The following INPP5F variants were observed in gnomAD, a reference collection of about 807,000 sequenced individuals.
The protein encoded by INPP5F is phosphatidylinositide 4-phosphatase SAC2.
INPP5F carries 97 observed loss-of-function variants against 137.2 expected under a neutral mutation model. The observed-to-expected ratio is 0.71, with a 90% CI of 0.60 to 0.84. The LOEUF (loss-of-function observed/expected upper bound fraction) is 0.84, where lower values mean the gene tolerates loss of function less well. Among genes scored for constraint, INPP5F ranks in the 40% least tolerant of loss-of-function variants. The pLI, the probability that INPP5F is intolerant of heterozygous loss-of-function variation, is 0.00. For missense variants in INPP5F, 1,271 were observed against 1,371.9 expected (o/e 0.93, Z 1.16); for synonymous variants, 504 against 476.9 (o/e 1.06, Z -0.74).
rs373076188 is a variant in INPP5F, at chr10:119,765,616, G to A, written c.178+14460G>A. On this transcript the variant is annotated intron_variant, in intron 2 of 19. Transcript: ENST00000650623. ...AGTCTGGTTTCTAACTCCTGAGCTC[G>A]GGTCATCCAACTATCTCGGCCTCCC... Among the ~76,000 whole-genome samples the A allele has an allele frequency of 1.9e-4, 28 of 145,536 alleles. No homozygotes were observed. In the East Asian group the frequency reaches 3.3e-3, roughly 17 times the overall value.
At position 119,767,956 on chromosome 10, in the gene INPP5F, C is replaced by T. The variant is rs1055976939; in HGVS notation, c.179-13679C>T. ...AGTTTAGACTGTCAATTTGAAATGACAGAGGAACGTGAGTATTCCTGTTGG... is the reference window on the plus strand; with the variant it reads ...AGTTTAGACTGTCAATTTGAAATGATAGAGGAACGTGAGTATTCCTGTTGG... On this transcript the variant is annotated intron_variant, in intron 2 of 19. Coordinates refer to ENST00000650623, the MANE Select transcript of INPP5F (RefSeq NM_014937.4). 3.3e-5 allele frequency among the ~76,000 whole-genome samples: 5 copies of T among 152,220 alleles called. No homozygotes were observed. The East Asian group carries it at 9.6e-4, about 29-fold the overall frequency.
intron 2 of INPP5F, among the ~76,000 whole-genome samples, chr10:119,755,763 A>G (rs191439192): frequency 8.1e-4 from 124 of 152,356 alleles, no homozygotes; most frequent in Non-Finnish European, 1.4e-3. Context: ...AGGTGACCTC[A>G]TTTAAGCCTC....
intron 1 of INPP5F, among the ~76,000 whole-genome samples, chr10:119,732,682 G>C (rs1848116305): frequency 6.6e-6 from 1 of 151,632 alleles, no homozygotes. Context: ...TCTATTTTTA[G>C]TAGAGACGGG....
At chr10:119,814,466 T>C (rs11199096) in intron 15 of INPP5F, 1 of 152,216 alleles carries the variant, frequency 6.6e-6, no homozygotes, top group Non-Finnish European at 1.5e-5. Flanking sequence ...ACGTAACTTA[T>C]CATCAGTCAC....
intron 15 of INPP5F, chr10:119,818,970 G>C (rs1851420127): frequency 6.6e-6 from 1 of 152,276 alleles, no homozygotes; most frequent in South Asian, 2.1e-4. Context: ...TATTTTTCCT[G>C]CAAATTACTT....
At position 119,791,374 on chromosome 10, in the gene INPP5F, C is replaced by T. The variant is rs1280767249; in HGVS notation, c.316-143C>T. The T allele has an allele frequency of 7.4e-6, 5 of 676,850 alleles. No homozygotes were observed. The African/African-American group carries it at 8.9e-5, about 12-fold the overall frequency. 41.9% of individuals were successfully genotyped at this position (676,850 alleles called of 1,614,324 possible). A position where few individuals can be genotyped will look rare whatever the true frequency, so the allele number is the denominator to read the frequency against. ...TCATGGGACTCATAGTTGTGCTTGCCATCAATTGTCTACTTGATAATTTTT... is the reference window on the plus strand; with the variant it reads ...TCATGGGACTCATAGTTGTGCTTGCTATCAATTGTCTACTTGATAATTTTT... On this transcript the variant is annotated intron_variant, in intron 3 of 19. Transcript: ENST00000650623.
intron 12 of INPP5F, among the ~76,000 whole-genome samples, chr10:119,807,567 A>G (rs547995725): frequency 6.6e-6 from 1 of 152,248 alleles, no homozygotes; most frequent in Non-Finnish European, 1.5e-5. Context: ...GCCTTGGCAC[A>G]GAGTTAACAT....
chr10:119,727,838 T>A (rs1312831846), intron 1 of INPP5F, among the ~76,000 whole-genome samples: 1 of 152,198 alleles, frequency 6.6e-6, no homozygotes, highest in Non-Finnish European at 1.5e-5. Flanking sequence ...TCCCCTTCCC[T>A]CCTTTCACTC....
At chr10:119,782,373 G>A (rs1589708571) in intron 3 of INPP5F, among the ~76,000 whole-genome samples, 1 of 152,300 alleles carries the variant, frequency 6.6e-6, no homozygotes, top group South Asian at 2.1e-4. Context: ...AGTAACCCAT[G>A]AAAGCATTTA....
intron 19 of INPP5F, among the ~76,000 whole-genome samples, chr10:119,824,867 C>T (rs913318802): frequency 6.6e-6 from 1 of 152,176 alleles, no homozygotes; most frequent in African/African-American, 2.4e-5. Context: ...AGATTAATAA[C>T]CTTTTATTGC....
At chr10:119,773,720 TG>T (rs1323468317) in intron 2 of INPP5F, among the ~76,000 whole-genome samples, 1 of 152,140 alleles carries the variant, frequency 6.6e-6, no homozygotes, top group Non-Finnish European at 1.5e-5. Context: ...CTGTCTCCAA[TG>T]TTGGGTTTCA....
rs542136467 is a variant in INPP5F, at chr10:119,751,245, T to C, written c.178+89T>C. ...TTTGAGGATACATGAGATTCTCTTA[T>C]AGCTTTGATTCCTTTGTTTTAATTT... On this transcript the variant is annotated intron_variant, in intron 2 of 19. Transcript: ENST00000650623. 6 of 819,804 alleles carry C rather than the reference T, an allele frequency of 7.3e-6. No individual in the cohort carries two copies. The Admixed American group carries it at 7.6e-5, about 10-fold the overall frequency. 50.8% of individuals were successfully genotyped at this position (819,804 alleles called of 1,614,324 possible). A position where few individuals can be genotyped will look rare whatever the true frequency, so the allele number is the denominator to read the frequency against.
intron 9 of INPP5F, among the ~76,000 whole-genome samples, chr10:119,802,915 ATTTTCTGTTTTAAATTGCAT>A (rs1359292780): frequency 2.0e-5 from 3 of 152,108 alleles, no homozygotes; most frequent in African/African-American, 7.2e-5. Flanking sequence ...GTGAAAACTC[ATTTTCTGTTTTAAATTGCAT>A]TTCTTTGAGT....
At chr10:119,800,266 A>G (rs1850534555) in intron 9 of INPP5F, among the ~76,000 whole-genome samples, 1 of 152,032 alleles carries the variant, frequency 6.6e-6, no homozygotes, top group Non-Finnish European at 1.5e-5. Context: ...AGTATATTTA[A>G]AAATGCCTGC....
At chr10:119,803,963 C>G (rs1850679090) in intron 9 of INPP5F, among the ~76,000 whole-genome samples, 1 of 152,090 alleles carries the variant, frequency 6.6e-6, no homozygotes. Flanking sequence ...TCAATTCTCA[C>G]AAACTTAAAT....
chr10:119,799,762 A>G (rs933336751), intron 9 of INPP5F, among the ~76,000 whole-genome samples: 1 of 152,170 alleles, frequency 6.6e-6, no homozygotes, highest in Non-Finnish European at 1.5e-5. Flanking sequence ...ATCAGTTGAG[A>G]TGGATTATGA....
chr10:119,823,531 G>A (rs1851643750), intron 18 of INPP5F, among the ~76,000 whole-genome samples: 1 of 152,180 alleles, frequency 6.6e-6, no homozygotes, highest in Admixed American at 6.5e-5. Flanking sequence ...CTCATTCATG[G>A]CTGTTGCCTT....
At chr10:119,822,037 C>A (rs1274792277) in intron 16 of INPP5F, among the ~76,000 whole-genome samples, 5 of 151,738 alleles carry the variant, frequency 3.3e-5, no homozygotes, top group Non-Finnish European at 7.4e-5. Context: ...ATTACAGGCG[C>A]CTGCCACGAC....
chr10:119,820,978 TTTTAGAATTCGTAAC>T, intron 16 of INPP5F, 61 bp downstream of exon 16: 1 of 1,090,816 alleles, frequency 9.2e-7, no homozygotes, highest in Non-Finnish European at 1.4e-6. Flanking sequence ...TAAATTTTCT[TTTTAGAATTCGTAAC>T]AAAAAAATGT....
Sources: allele counts gnomAD v4.1 joint callset (sites outside exome capture counted in the v4.1 genomes callset), GRCh38; gene constraint gnomAD v4.1.1; transcripts MANE v1.5; gene names NCBI Gene and HGNC (gene_info 2026-07-23, HGNC 2026-07-21).